PM20D2: variants seen among roughly 807,000 people sequenced by gnomAD.
The protein encoded by PM20D2 is xaa-Arg dipeptidase.
Under a neutral mutation model 42.9 loss-of-function variants are expected in PM20D2, and 33 were observed. The ratio of observed to expected loss-of-function variants is 0.77; its 90% CI spans 0.58 to 1.03. PM20D2 has a LOEUF of 1.03. PM20D2 is among the 50% of genes least tolerant of loss of function. The pLI, the probability that PM20D2 is intolerant of heterozygous loss-of-function variation, is 0.00. For missense variants in PM20D2, 548 were observed against 557.0 expected (o/e 0.98, Z 0.16); for synonymous variants, 250 against 228.2 (o/e 1.10, Z -0.86).
the PM20D2 span, chr6:89,118,094 G>GGCGGCA: frequency 3.1e-5 from 1 of 31,892 alleles, no homozygotes; most frequent in Non-Finnish European, 6.9e-5. Flanking sequence ...CGGGGGCGGG[G>GGCGGCA]GCGGCGCCGG....
At chr6:89,154,704 A>G in intron 3 of PM20D2, 44 bp from the exon 4 acceptor site, 6 of 1,386,862 alleles carry the variant, frequency 4.3e-6, no homozygotes, top group Non-Finnish European at 5.8e-6. Flanking sequence ...AGCTTAAAGA[A>G]ATGGTCACCA....
chr6:89,114,174 T>C, the PM20D2 span, among the ~76,000 whole-genome samples: 1 of 152,190 alleles, frequency 6.6e-6, no homozygotes, highest in African/African-American at 2.4e-5. Flanking sequence ...ATGCCTGTAA[T>C]CCCAGTGCTT....
At chr6:89,105,173 C>G in the PM20D2 span, 3 of 1,612,326 alleles carry the variant, frequency 1.9e-6, no homozygotes, top group Non-Finnish European at 2.5e-6. Flanking sequence ...ACTTCTACTT[C>G]GAGTTCTTCT....
the PM20D2 span, chr6:89,106,768 A>G: frequency 5.8e-6 from 2 of 345,822 alleles, no homozygotes; most frequent in African/African-American, 4.3e-5. Flanking sequence ...CAACAAAATC[A>G]GACTTGGCTT....
the PM20D2 span, among the ~76,000 whole-genome samples, chr6:89,104,162 G>A: frequency 6.8e-6 from 1 of 145,992 alleles, no homozygotes; most frequent in East Asian, 2.0e-4. Context: ...CATTTTTAAA[G>A]TTGAAGATTA....
At chr6:89,128,208 T>C in the PM20D2 span, among the ~76,000 whole-genome samples, 2 of 152,194 alleles carry the variant, frequency 1.3e-5, no homozygotes, top group African/African-American at 2.4e-5. Flanking sequence ...ATTCTTTTCC[T>C]AGCAAAGAAT....
the PM20D2 span, among the ~76,000 whole-genome samples, chr6:89,129,669 C>T: frequency 6.1e-5 from 9 of 147,398 alleles, no homozygotes; most frequent in African/African-American, 2.3e-4. Context: ...TGACAGCTCA[C>T]TGCAGCCTCA....
At chr6:89,132,391 G>T in the PM20D2 span, among the ~76,000 whole-genome samples, 1 of 145,696 alleles carries the variant, frequency 6.9e-6, no homozygotes, top group African/African-American at 2.8e-5. Context: ...CAGTTCCTGT[G>T]GAGATCTCCT....
At chr6:89,152,921 C>G (rs1400036101) in intron 2 of PM20D2, 122 bp from the exon 3 acceptor site, 1 of 715,702 alleles carries the variant, frequency 1.4e-6, no homozygotes, top group Non-Finnish European at 2.1e-6. Flanking sequence ...AAATAATTTG[C>G]AAATCAAAAG....
chr6:89,146,724 G>T, intron 1 of PM20D2, 115 bp downstream of exon 1: 1 of 859,394 alleles, frequency 1.2e-6, no homozygotes, highest in African/African-American at 1.8e-5. Flanking sequence ...CCCGGGGCAG[G>T]TGTGTGTGGG....
At chr6:89,116,303 C>T in the PM20D2 span, among the ~76,000 whole-genome samples, 1 of 152,172 alleles carries the variant, frequency 6.6e-6, no homozygotes, top group African/African-American at 2.4e-5. Flanking sequence ...TTCAAGTTGT[C>T]TGTTCAACTG....
the PM20D2 span, among the ~76,000 whole-genome samples, chr6:89,132,310 T>G: frequency 6.9e-6 from 1 of 144,920 alleles, no homozygotes; most frequent in East Asian, 1.9e-4. Flanking sequence ...TCAAACTTCC[T>G]GTGCTGCCAA....
At chr6:89,160,337 G>C (rs1459165662) in intron 5 of PM20D2, among the ~76,000 whole-genome samples, 3 of 152,180 alleles carry the variant, frequency 2.0e-5, no homozygotes, top group Non-Finnish European at 4.4e-5. Flanking sequence ...ATAAGCCTTG[G>C]TTTCTTCATG....
the PM20D2 span, among the ~76,000 whole-genome samples, chr6:89,094,781 CTTTTTTT>C: frequency 7.2e-6 from 1 of 138,860 alleles, no homozygotes; most frequent in African/African-American, 2.7e-5. Flanking sequence ...TGCTACGCAT[CTTTTTTT>C]TTTTTTTTTT....
intron 2 of PM20D2, among the ~76,000 whole-genome samples, chr6:89,152,678 A>G (rs1187213899): frequency 1.3e-5 from 2 of 152,116 alleles, no homozygotes; most frequent in Non-Finnish European, 2.9e-5. Flanking sequence ...CTGATTTTTT[A>G]CAGACTTTTG....
At chr6:89,106,473 A>C in the PM20D2 span, among the ~76,000 whole-genome samples, 1 of 152,194 alleles carries the variant, frequency 6.6e-6, no homozygotes, top group Non-Finnish European at 1.5e-5. Context: ...AGCAATCTGT[A>C]AATATCTGGA....
intron 1 of PM20D2, among the ~76,000 whole-genome samples, chr6:89,147,289 T>C (rs1030506889): frequency 1.2e-4 from 19 of 152,244 alleles, no homozygotes; most frequent in Non-Finnish European, 1.6e-4. Context: ...AATCCTGTTT[T>C]ACTCTGCTTT....
At chr6:89,098,535 A>G in the PM20D2 span, 1 of 1,539,114 alleles carries the variant, frequency 6.5e-7, no homozygotes. Context: ...TGAGAGTTTA[A>G]TAACTTATAT....
chr6:89,095,286 C>T, the PM20D2 span, among the ~76,000 whole-genome samples: 2 of 152,318 alleles, frequency 1.3e-5, no homozygotes, highest in Non-Finnish European at 2.9e-5. Flanking sequence ...AGTATAGTGA[C>T]ACCATCTCGG....
Sources: allele counts gnomAD v4.1 joint callset (sites outside exome capture counted in the v4.1 genomes callset), GRCh38; gene constraint gnomAD v4.1.1; transcripts MANE v1.5; gene names NCBI Gene and HGNC (gene_info 2026-07-23, HGNC 2026-07-21).